RADIL: variants seen among roughly 807,000 people sequenced by gnomAD.
The protein encoded by RADIL is Rap associating with DIL domain.
A neutral mutation model predicts 97.6 loss-of-function variants in RADIL; 99 were observed. That is an observed-to-expected ratio of 1.01 (90% CI 0.86 to 1.20). The LOEUF is 1.20. RADIL is among the 50% of genes most tolerant of loss of function. The probability of loss-of-function intolerance (pLI) is 0.00; values close to 1 mark genes in which losing one functional copy is unlikely to be tolerated. For missense variants in RADIL, 1,765 were observed against 1,498.9 expected, an observed-to-expected ratio of 1.18 and a Z score of -2.93; for synonymous variants, 803 against 691.8, an observed-to-expected ratio of 1.16 and a Z score of -2.52.
rs1353518922 is a variant in RADIL, at chr7:4,854,958, T to A, written c.536-18353A>T. On this transcript the variant is annotated intron_variant, in intron 2 of 14. Transcript: ENST00000399583. The surrounding 1 kb of genome is among the most constrained non-coding windows in gnomAD (Gnocchi z 5.1). Reference sequence around the variant, plus strand: ...GTTTAACATGGCCTTTTTTCATTTATAGTTACACCACACATTTTTGGAACC... The same window carrying A: ...GTTTAACATGGCCTTTTTTCATTTAAAGTTACACCACACATTTTTGGAACC... Among the ~76,000 whole-genome samples the A allele has an allele frequency of 1.3e-5, 2 of 152,202 alleles. No individual in the cohort carries two copies. Among genetic ancestry groups the A allele is most frequent in the Admixed American group, 1.3e-4 (2 of 15,286 alleles).
intron 2 of RADIL, chr7:4,865,469 C>T: frequency 1.3e-6 from 1 of 766,532 alleles, no homozygotes; most frequent in Non-Finnish European, 2.4e-6. Flanking sequence ...CCTGGTTAAT[C>T]TGGAAGTAAT....
intron 5 of RADIL, among the ~76,000 whole-genome samples, chr7:4,829,769 G>A (rs1783089758): frequency 2.6e-5 from 4 of 152,026 alleles, no homozygotes; most frequent in Non-Finnish European, 5.9e-5. Flanking sequence ...ACACTCTCTC[G>A]CCTGCCACCA....
chr7:4,860,704 A>G, intron 2 of RADIL: 1 of 1,614,198 alleles, frequency 6.2e-7, no homozygotes, highest in African/African-American at 1.3e-5. Flanking sequence ...TGTACTTTTG[A>G]AAGAAGCTTG....
chr7:4,827,925 C>T (rs988181808), intron 5 of RADIL, among the ~76,000 whole-genome samples: 8 of 150,026 alleles, frequency 5.3e-5, no homozygotes, highest in African/African-American at 1.7e-4. Context: ...CAAAAAAAAA[C>T]GTAGACCAGT....
chr7:4,877,521 T>G, intron 2 of RADIL, 84 bp downstream of exon 2: 1 of 1,468,402 alleles, frequency 6.8e-7, no homozygotes, highest in East Asian at 2.3e-5. Flanking sequence ...GCATGTCCCC[T>G]GCACCACTCC....
At chr7:4,862,030 T>C in intron 2 of RADIL, 1 of 406,594 alleles carries the variant, frequency 2.5e-6, no homozygotes, top group Non-Finnish European at 4.4e-6. Context: ...TTCCAGAACC[T>C]ACCGTACACG....
At chr7:4,865,410 A>C (rs927086887) in intron 2 of RADIL, 2 of 654,878 alleles carry the variant, frequency 3.1e-6, no homozygotes, top group African/African-American at 1.8e-5. Context: ...CTCATACAAA[A>C]TATTTCAGAT....
chr7:4,829,763 T>A lies in RADIL; in HGVS notation c.1454+2378A>T, dbSNP rs528756891. The stretch of plus-strand genomic sequence containing the variant: ...GAAAGGGTGGTTCCCCTGAACACAC[T>A]CTCTCGCCTGCCACCATGTAAGATG... On this transcript the variant is annotated intron_variant, in intron 5 of 14. Coordinates refer to ENST00000399583, the MANE Select transcript of RADIL (RefSeq NM_018059.5). Among the ~76,000 whole-genome samples, 5 of 152,220 alleles carry A rather than the reference T, an allele frequency of 3.3e-5. 1 individual carries two copies. The South Asian group carries it at 1.0e-3, about 32-fold the overall frequency.
chr7:4,862,109 C>G (rs1462173080), intron 2 of RADIL: 4 of 338,696 alleles, frequency 1.2e-5, no homozygotes, highest in African/African-American at 2.1e-5. Flanking sequence ...GGCTGGGGCT[C>G]CTACCGCTGC....
Position 4,883,178 on chromosome 7 carries a change from C to CTGCGCCCCGCTCCCCT in RADIL, c.-65+417_-65+418insAGGGGAGCGGGGCGCA, listed in dbSNP as rs1784520347. On this transcript the variant is annotated intron_variant, in intron 1 of 14. Coordinates refer to ENST00000399583, the MANE Select transcript of RADIL (RefSeq NM_018059.5). The surrounding 1 kb of genome is among the most constrained non-coding windows in gnomAD (Gnocchi z 7.1). ...CGCGGAACCCTGCGCCCCGCTCCCC[C>CTGCGCCCCGCTCCCCT]GCTGCGCCCCGCTCCCCCGCTGCGC... Among the ~76,000 whole-genome samples, 5 of 152,050 alleles carry CTGCGCCCCGCTCCCCT rather than the reference C, an allele frequency of 3.3e-5. No individual in the cohort carries two copies. The highest frequency in any genetic ancestry group is 2.0e-4 in the Admixed American group (3 of 15,276).
chr7:4,874,262 C>G (rs1297429532), intron 2 of RADIL, among the ~76,000 whole-genome samples: 1 of 152,384 alleles, frequency 6.6e-6, no homozygotes, highest in East Asian at 1.9e-4. Flanking sequence ...CAACCGAACA[C>G]ACTCTAGCGC....
Position 4,817,770 on chromosome 7 carries a change from C to G in RADIL, c.1616-419G>C, listed in dbSNP as rs900517128. On this transcript the variant is annotated intron_variant, in intron 6 of 14. Transcript: ENST00000399583. The surrounding 1 kb of genome is among the most constrained non-coding windows in gnomAD (Gnocchi z 8.3). ...GGCAGCAGCCCCTGAGTGGCCGCCA[C>G]TCTGTGGAATCATAAGTCTTTTGGG... is the stretch of plus-strand genomic sequence containing the variant. Among the ~76,000 whole-genome samples, 1 of 152,236 alleles carries G rather than the reference C, an allele frequency of 6.6e-6. No individual in the cohort carries two copies. Among genetic ancestry groups the G allele is most frequent in the African/African-American group, 2.4e-5 (1 of 41,466 alleles).
Position 4,834,711 on chromosome 7 carries a change from A to G in RADIL, c.1312T>C (p.Phe438Leu). The change falls in exon 4 of 15, where the codon TTC (phenylalanine) becomes CTC (leucine). Residue 438 changes from phenylalanine to leucine, a missense_variant. By Grantham distance (22) the Phe-to-Leu change is conservative. Transcript: ENST00000399583. The surrounding 1 kb of genome is among the most constrained non-coding windows in gnomAD (Gnocchi z 6.0). ...GGDDHKLTPA[F>L]LLCLCIQHSA... is the part of the protein sequence containing the mutation. ...TGCTGGATGCAGAGGCACAGGAGGA[A>G]GGCGGGGGTCAGCTTGTGGTCGTCG... is the stretch of plus-strand genomic sequence containing the variant. 10 of 1,409,580 alleles carry G rather than the reference A, an allele frequency of 7.1e-6. No homozygotes were observed. The highest frequency in any genetic ancestry group is 9.3e-6 in the Non-Finnish European group (10 of 1,075,368). The allele number at this position is 1,409,580 out of a possible 1,614,324, so 87.3% of individuals were successfully genotyped here.
intron 2 of RADIL, among the ~76,000 whole-genome samples, chr7:4,846,134 T>C (rs1168108642): frequency 6.6e-6 from 1 of 151,514 alleles, no homozygotes; most frequent in Non-Finnish European, 1.5e-5. Context: ...TTTTTTTTTT[T>C]TTTTTTTTTT....
chr7:4,846,610 G>A lies in RADIL; in HGVS notation c.536-10005C>T, dbSNP rs1221301311. ...GCCCAGGCTGGAGTGCAGTGGTGCTGTCTCAGCTCACTGCAACGTCCGCCT... is the reference window on the plus strand; with the variant it reads ...GCCCAGGCTGGAGTGCAGTGGTGCTATCTCAGCTCACTGCAACGTCCGCCT... On this transcript the variant is annotated intron_variant, in intron 2 of 14. Transcript: ENST00000399583. Among the ~76,000 whole-genome samples, 4 of 142,684 alleles carry A rather than the reference G, an allele frequency of 2.8e-5. No homozygotes were observed. The East Asian group carries it at 8.5e-4, about 30-fold the overall frequency. 93.6% of individuals were successfully genotyped at this position (142,684 alleles called of 152,430 possible).
rs1001023826 is a variant in RADIL, at chr7:4,817,322, G to C, written c.1645C>G (p.Leu549Val). ...GSKESLFSCT[L>V]TASEEAMAVL... The stretch of plus-strand genomic sequence containing the variant: ...GCCATGGCCTCCTCGCTGGCCGTCA[G>C]CGTGCAGGAGAACAGCGATTCCTTC... Residue 549 changes from leucine (L) to valine (V), a missense_variant, in exon 7 of 15, where the codon CTG (leucine) becomes GTG (valine). Physicochemically the swap from Leu to Val is conservative, Grantham distance 32. Transcript: ENST00000399583. This position sits in a 1 kb window ranked among gnomAD's most constrained non-coding sequence, Gnocchi z 8.3. 4 of 1,612,360 alleles carry C rather than the reference G, an allele frequency of 2.5e-6. No homozygotes were observed. In the African/African-American group the frequency reaches 5.3e-5, roughly 22 times the overall value.
intron 2 of RADIL, among the ~76,000 whole-genome samples, chr7:4,841,471 T>A (rs890703030): frequency 2.6e-5 from 4 of 152,178 alleles, no homozygotes; most frequent in Non-Finnish European, 5.9e-5. Context: ...CTGGGAGAGC[T>A]TGGTGGGAGC....
In RADIL at chr7:4,801,663, T is replaced by C. The variant is rs750694882; in HGVS notation, c.2832A>G (p.Ala944=). ...QRNGLSGLRG[A]APEGDSAALA... ...CCAGGCAGGGCTCACCTTCCGGAGC[T>C]GCACCCCGGAGGCCGCTGAGTCCGT... is the stretch of plus-strand genomic sequence containing the variant. Residue 944 remains alanine (A), a synonymous_variant, in exon 12 of 15, where the codon GCA becomes GCG. Coordinates refer to ENST00000399583, the MANE Select transcript of RADIL (RefSeq NM_018059.5). 6 of 1,598,252 alleles carry C rather than the reference T, an allele frequency of 3.8e-6. No homozygotes were observed. The highest frequency in any genetic ancestry group is 5.1e-6 in the Non-Finnish European group (6 of 1,173,706).
rs543357163 is a variant in RADIL at position 4,837,823 on chromosome 7, G to A, written c.536-1218C>T. 61 of 985,194 alleles carry A rather than the reference G, an allele frequency of 6.2e-5. No homozygotes were observed. Among genetic ancestry groups the A allele is most frequent in the African/African-American group, 2.6e-4 (15 of 57,328 alleles). 61.0% of individuals were successfully genotyped at this position (985,194 alleles called of 1,614,324 possible). On this transcript the variant is annotated intron_variant, in intron 2 of 14. Coordinates refer to ENST00000399583, the MANE Select transcript of RADIL (RefSeq NM_018059.5). The surrounding 1 kb of genome is among the most constrained non-coding windows in gnomAD (Gnocchi z 5.6). ...CAGCCGGCTGCGATAGATGAAAACC[G>A]CTCACCAGTCCCCAGCTGACCCGGC... is the stretch of plus-strand genomic sequence containing the variant.
Sources: allele counts gnomAD v4.1 joint callset (sites outside exome capture counted in the v4.1 genomes callset), GRCh38; gene constraint gnomAD v4.1.1; non-coding constraint Gnocchi (gnomAD v3.1); transcripts MANE v1.5; gene names NCBI Gene and HGNC (gene_info 2026-07-23, HGNC 2026-07-21).